RBMS3: variants seen among roughly 807,000 people sequenced by gnomAD.
RBMS3 encodes the protein RNA-binding motif, single-stranded-interacting protein 3.
In RBMS3, 27 loss-of-function variants were observed where a neutral mutation model predicts 66.8. The ratio of observed to expected loss-of-function variants is 0.40; its 90% CI spans 0.30 to 0.56. The LOEUF (loss-of-function observed/expected upper bound fraction) is 0.56. Among genes scored for constraint, RBMS3 ranks in the 20% least tolerant of loss-of-function variants. The pLI is 0.40. For missense variants in RBMS3, 513 were observed against 549.5 expected (o/e 0.93, Z 0.66); for synonymous variants, 188 against 183.0 (o/e 1.03, Z -0.22).
At chr3:29,818,786 A>T (rs145710576) in intron 6 of RBMS3, among the ~76,000 whole-genome samples, 175 of 152,234 alleles carry the variant, frequency 1.1e-3, no homozygotes, top group African/African-American at 4.1e-3. Context: ...AAAATATATA[A>T]TGTGACTCCT....
chr3:29,674,139 C>T (rs183711817), intron 4 of RBMS3, among the ~76,000 whole-genome samples: 2 of 152,052 alleles, frequency 1.3e-5, no homozygotes, highest in Admixed American at 6.5e-5. Context: ...ATAAACAGAA[C>T]CAAAGACAAA....
At chr3:29,865,571 CT>C (rs922138944) in intron 6 of RBMS3, among the ~76,000 whole-genome samples, 35 of 152,260 alleles carry the variant, frequency 2.3e-4, no homozygotes, top group African/African-American at 8.2e-4. Context: ...AAGTTGGTCT[CT>C]TTTTAAATAT....
chr3:29,977,294 G>A (rs961298057), intron 12 of RBMS3, among the ~76,000 whole-genome samples: 4 of 152,044 alleles, frequency 2.6e-5, no homozygotes, highest in Admixed American at 6.6e-5. Flanking sequence ...GAACTTCCTT[G>A]CCCCTCCCTG....
chr3:29,837,455 G>A (rs921925816), intron 6 of RBMS3, among the ~76,000 whole-genome samples: 1 of 151,184 alleles, frequency 6.6e-6, no homozygotes, highest in African/African-American at 2.4e-5. Context: ...AGTAAAAGTA[G>A]TCAAACTTCC....
intron 8 of RBMS3, among the ~76,000 whole-genome samples, chr3:29,894,814 C>T (rs2060088358): frequency 6.6e-6 from 1 of 151,512 alleles, no homozygotes; most frequent in South Asian, 2.1e-4. Context: ...CTACAATCCT[C>T]TCTGAAAAAG....
At chr3:29,894,041 A>G (rs2060064613) in intron 8 of RBMS3, among the ~76,000 whole-genome samples, 1 of 151,600 alleles carries the variant, frequency 6.6e-6, no homozygotes, top group African/African-American at 2.4e-5. Context: ...GTCAATAAAT[A>G]CATTGTATTC....
intron 4 of RBMS3, among the ~76,000 whole-genome samples, chr3:29,664,662 T>C (rs1332156359): frequency 6.6e-6 from 1 of 151,518 alleles, no homozygotes; most frequent in Non-Finnish European, 1.5e-5. Flanking sequence ...ACCAACCTGA[T>C]AGTAGGCTCA....
intron 4 of RBMS3, among the ~76,000 whole-genome samples, chr3:29,683,478 G>A (rs2051583378): frequency 6.6e-6 from 1 of 152,096 alleles, no homozygotes; most frequent in Non-Finnish European, 1.5e-5. Flanking sequence ...TCAGATGAAG[G>A]CAAAGAGAAA....
chr3:29,750,609 T>C (rs1346952610), intron 5 of RBMS3, among the ~76,000 whole-genome samples: 1 of 152,190 alleles, frequency 6.6e-6, no homozygotes, highest in Non-Finnish European at 1.5e-5. Context: ...ATAGGTAAAC[T>C]TGTGTCATGG....
chr3:29,679,747 A>G (rs2051408181), intron 4 of RBMS3, among the ~76,000 whole-genome samples: 1 of 143,778 alleles, frequency 7.0e-6, no homozygotes, highest in Middle Eastern at 3.6e-3. Flanking sequence ...ATGCTTTAGC[A>G]ATAATTTATA....
At chr3:29,821,586 A>G (rs1187372046) in intron 6 of RBMS3, among the ~76,000 whole-genome samples, 1 of 152,188 alleles carries the variant, frequency 6.6e-6, no homozygotes, top group Admixed American at 6.6e-5. Flanking sequence ...ATCACAAACT[A>G]AGCAAACTAC....
intron 6 of RBMS3, among the ~76,000 whole-genome samples, chr3:29,814,838 TA>T (rs553921223): frequency 1.3e-5 from 2 of 152,192 alleles, no homozygotes; most frequent in African/African-American, 2.4e-5. Flanking sequence ...GACCACTTTC[TA>T]GGGAACAGTA....
chr3:29,940,176 A>T (rs2149696452), intron 11 of RBMS3, among the ~76,000 whole-genome samples: 1 of 151,984 alleles, frequency 6.6e-6, no homozygotes, highest in African/African-American at 2.4e-5. Flanking sequence ...CCTGGGACTC[A>T]TTTGATAAAC....
At chr3:29,731,183 G>A (rs889164195) in intron 4 of RBMS3, among the ~76,000 whole-genome samples, 1 of 152,210 alleles carries the variant, frequency 6.6e-6, no homozygotes, top group African/African-American at 2.4e-5. Context: ...GGTCCCTGCT[G>A]AGTTTGTTCT....
At chr3:29,950,898 T>A (rs1451973504) in intron 12 of RBMS3, among the ~76,000 whole-genome samples, 1 of 151,836 alleles carries the variant, frequency 6.6e-6, no homozygotes, top group Non-Finnish European at 1.5e-5. Flanking sequence ...AGCAAGTATC[T>A]CTCTCCAGAT....
intron 1 of RBMS3, among the ~76,000 whole-genome samples, chr3:29,389,201 C>T (rs1215433608): frequency 6.6e-6 from 1 of 152,092 alleles, no homozygotes; most frequent in Admixed American, 6.5e-5. Flanking sequence ...TATCTCTTAG[C>T]CATGGGTTCT....
intron 4 of RBMS3, among the ~76,000 whole-genome samples, chr3:29,661,535 T>C (rs2050549280): frequency 6.6e-6 from 1 of 152,148 alleles, no homozygotes; most frequent in African/African-American, 2.4e-5. Flanking sequence ...TTTAGGTCAC[T>C]ACTGTTTCTG....
chr3:29,801,576 T>C (rs1029562759), intron 6 of RBMS3, among the ~76,000 whole-genome samples: 4 of 152,174 alleles, frequency 2.6e-5, no homozygotes, highest in Non-Finnish European at 4.4e-5. Flanking sequence ...TCATTCCTCT[T>C]AATCTTAGCT....
chr3:29,841,424 A>G (rs1279715795), intron 6 of RBMS3, among the ~76,000 whole-genome samples: 1 of 152,022 alleles, frequency 6.6e-6, no homozygotes, highest in Non-Finnish European at 1.5e-5. Flanking sequence ...AAACAAAACT[A>G]TTTTAAAACT....
Sources: gnomAD v4.1 joint callset for allele counts (sites outside exome capture counted in the v4.1 genomes callset) on GRCh38, gnomAD v4.1.1 for gene constraint, MANE v1.5 for transcripts, NCBI Gene and HGNC (gene_info 2026-07-23, HGNC 2026-07-21) for gene names.